The following RPL19 variants were observed in gnomAD, a reference collection of about 807,000 sequenced individuals.
The protein encoded by RPL19 is ribosomal protein L19, also known as large ribosomal subunit protein eL19.
In RPL19, 2 loss-of-function variants were observed where a neutral mutation model predicts 25.1. The observed-to-expected ratio is 0.08, with a 90% CI of 0.03 to 0.25. RPL19 has a LOEUF of 0.25. Ranked by LOEUF, RPL19 falls within the 10% of genes least tolerant of loss-of-function variation. The pLI is 1.00. For missense variants in RPL19, 123 were observed against 271.8 expected (o/e 0.45, Z 3.85); for synonymous variants, 89 against 91.2 (o/e 0.98, Z 0.14).
rs753972281 is a variant in RPL19, at chr17:39,201,234, G to A, written c.27G>A (p.Arg9=). Residue 9 remains arginine (R), a synonymous_variant, in exon 2 of 6, where the codon AGG becomes AGA. Transcript: ENST00000225430. ...CTAGTATGCTCAGGCTTCAGAAGAG[G>A]CTCGCCTCTAGTGTCCTCCGCTGTG... The part of the protein sequence containing the change: MSMLRLQK[R]LASSVLRCGK... 19 of 1,612,518 alleles carry A rather than the reference G, an allele frequency of 1.2e-5. No homozygotes were observed. In the Admixed American group the frequency reaches 3.0e-4, roughly 26 times the overall value.
chr17:39,200,426 T>C (rs1282445721), intron 1 of RPL19, 77 bp downstream of exon 1: 82 of 1,402,030 alleles, frequency 5.8e-5, no homozygotes, highest in Non-Finnish European at 4.9e-5. Flanking sequence ...GCAGCTGGGG[T>C]TGGGGGAGAT....
chr17:39,200,519 G>A (rs1024817144), intron 1 of RPL19, 170 bp downstream of exon 1: 4 of 1,299,788 alleles, frequency 3.1e-6, no homozygotes, highest in East Asian at 3.1e-5. Context: ...CGGAGTGAGG[G>A]GGGGCGGGGA....
chr17:39,202,522 T>C, intron 3 of RPL19, 83 bp downstream of exon 3: 1 of 1,525,590 alleles, frequency 6.6e-7, no homozygotes, highest in Non-Finnish European at 9.0e-7. Flanking sequence ...GCACTCTGTC[T>C]CATCTTGAGC....
At position 39,200,645 on chromosome 17, in the gene RPL19, C is replaced by T. The variant is rs1164439686; in HGVS notation, c.5+296C>T. The T allele has an allele frequency of 2.6e-6, 3 of 1,170,540 alleles. No homozygotes were observed. The African/African-American group carries it at 4.8e-5, about 19-fold the overall frequency. 72.5% of individuals were successfully genotyped at this position (1,170,540 alleles called of 1,614,324 possible). A position where few individuals can be genotyped will look rare whatever the true frequency, so the allele number is the denominator to read the frequency against. ...GAGCGAACAAGACCAAGCCGTGGGCCCTTTCTTGCTTGGCACACCCGGAGC... is the reference window on the plus strand; with the variant it reads ...GAGCGAACAAGACCAAGCCGTGGGCTCTTTCTTGCTTGGCACACCCGGAGC... On this transcript the variant is annotated intron_variant, in intron 1 of 5. Coordinates refer to ENST00000225430, the MANE Select transcript of RPL19 (RefSeq NM_000981.4).
intron 3 of RPL19, chr17:39,202,698 A>C (rs1391165449): frequency 5.0e-6 from 3 of 598,094 alleles, no homozygotes; most frequent in African/African-American, 1.9e-5. Context: ...GAATGATCGA[A>C]GGAAGCTCCT....
chr17:39,203,726 C>G (rs529763514), intron 4 of RPL19, among the ~76,000 whole-genome samples: 17 of 152,040 alleles, frequency 1.1e-4, no homozygotes. Context: ...AGGCTGGTCT[C>G]GAACTCCTGG....
intron 2 of RPL19, 112 bp downstream of exon 2, chr17:39,201,431 T>A: frequency 1.5e-6 from 1 of 673,264 alleles, no homozygotes; most frequent in Admixed American, 2.7e-5. Flanking sequence ...AGTCTTGCTC[T>A]GTTGTCCAGG....
chr17:39,202,976 A>T lies in RPL19; in HGVS notation c.236-13A>T. The T allele has an allele frequency of 6.2e-7, 1 of 1,613,862 alleles. No homozygotes were observed. The highest frequency in any genetic ancestry group is 1.3e-5 in the African/African-American group (1 of 74,998). On this transcript the variant is annotated splice_polypyrimidine_tract_variant and intron_variant, in intron 3 of 5. Transcript: ENST00000225430. ...CTGGGTAGTGGCCCGTTCCTAACTCATCTTCTCCACAGGTAAGCGGAAGGG... is the reference window on the plus strand; with the variant it reads ...CTGGGTAGTGGCCCGTTCCTAACTCTTCTTCTCCACAGGTAAGCGGAAGGG...
Position 39,202,508 on chromosome 17 carries a change from C to T in RPL19, c.235+69C>T. 2.6e-6 allele frequency: 4 copies of T among 1,560,536 alleles called. No homozygotes were observed. The South Asian group carries it at 3.4e-5, about 13-fold the overall frequency. On this transcript the variant is annotated intron_variant, in intron 3 of 5. Transcript: ENST00000225430. The stretch of plus-strand genomic sequence containing the variant: ...ATCTATGCTGAAATATATTCAGGAT[C>T]TAAGCACTCTGTCTCATCTTGAGCC...
intron 2 of RPL19, among the ~76,000 whole-genome samples, chr17:39,201,650 G>A (rs867871510): frequency 3.9e-5 from 6 of 151,972 alleles, no homozygotes; most frequent in Admixed American, 3.3e-4. Context: ...TCAGCTCACC[G>A]CAACCTCTGC....
rs1430595571 is a variant in RPL19 at position 39,203,035 on chromosome 17, A to G, written c.282A>G (p.Thr94=). The change falls in exon 4 of 6, where the codon ACA becomes ACG. Residue 94 remains threonine, a synonymous_variant. Coordinates refer to ENST00000225430, the MANE Select transcript of RPL19 (RefSeq NM_000981.4). ...TANARMPEKV[T]WMRRMRILRR... ...ATGCCCGAATGCCAGAGAAGGTCAC[A>G]TGGATGAGGAGAATGAGGATTTTGC... is the stretch of plus-strand genomic sequence containing the variant. The G allele has an allele frequency of 2.5e-6, 4 of 1,614,068 alleles. No individual in the cohort carries two copies. The South Asian group carries it at 3.3e-5, about 13-fold the overall frequency.
At chr17:39,200,841 G>C (rs1454411114) in intron 1 of RPL19, 4 of 864,990 alleles carry the variant, frequency 4.6e-6, no homozygotes, top group Non-Finnish European at 5.7e-6. Flanking sequence ...ATAAAACAGG[G>C]AAATAAGCCC....
chr17:39,201,590 T>G (rs538830813), intron 2 of RPL19, among the ~76,000 whole-genome samples: 17 of 151,992 alleles, frequency 1.1e-4, no homozygotes, highest in South Asian at 1.0e-3. Flanking sequence ...TTATTTTTTT[T>G]GGGACAGAGT....
intron 2 of RPL19, 70 bp from the exon 3 acceptor site, chr17:39,202,247 C>T: frequency 1.9e-6 from 3 of 1,589,464 alleles, no homozygotes; most frequent in East Asian, 2.2e-5. Flanking sequence ...GTGTCTCTGG[C>T]CTGGCCTATT....
chr17:39,200,469 G>T (rs1454375240), intron 1 of RPL19, 120 bp downstream of exon 1: 2 of 1,333,032 alleles, frequency 1.5e-6, no homozygotes, highest in African/African-American at 1.5e-5. Flanking sequence ...GGCCGGTCCC[G>T]GGGTTTGGGG....
intron 3 of RPL19, 162 bp from the exon 4 acceptor site, chr17:39,202,827 C>T (rs1202788569): frequency 4.2e-5 from 31 of 745,438 alleles, no homozygotes; most frequent in East Asian, 2.9e-4. Context: ...AAAGAACTTA[C>T]GTAGTTGGGA....
chr17:39,201,729 A>G (rs1050025283), intron 2 of RPL19, among the ~76,000 whole-genome samples: 6 of 151,836 alleles, frequency 4.0e-5, no homozygotes, highest in Non-Finnish European at 5.9e-5. Flanking sequence ...GTGCCACCAC[A>G]CCCAGCTAAT....
intron 3 of RPL19, chr17:39,202,744 T>TA (rs1342675375): frequency 1.1e-5 from 5 of 439,582 alleles, no homozygotes; most frequent in Admixed American, 7.3e-5. Context: ...CACTGCCTGT[T>TA]ACACCCACAT....
At position 39,204,086 on chromosome 17, in the gene RPL19, C is replaced by T. The variant is rs762675844; in HGVS notation, c.366C>T (p.Ser122=). ...SKKIDRHMYH[S]LYLKVKGNVF... is the part of the protein sequence containing the mutation. The stretch of plus-strand genomic sequence containing the variant: ...TCCGTGTACCCTGCAGGTATCACAG[C>T]CTGTACCTGAAGGTGAAGGGGAATG... The change falls in exon 5 of 6, where the codon AGC becomes AGT. Residue 122 remains serine (S), a synonymous_variant. Transcript: ENST00000225430. 23 of 1,596,692 alleles carry T rather than the reference C, an allele frequency of 1.4e-5. No individual in the cohort carries two copies. In the South Asian group the frequency reaches 2.3e-4, roughly 16 times the overall value.
Sources: allele counts gnomAD v4.1 joint callset (sites outside exome capture counted in the v4.1 genomes callset), GRCh38; gene constraint gnomAD v4.1.1; transcripts MANE v1.5; gene names NCBI Gene and HGNC (gene_info 2026-07-23, HGNC 2026-07-21).